ADAMTSL1: variants seen among roughly 807,000 people sequenced by gnomAD.
ADAMTSL1 encodes the protein ADAMTS like 1.
ADAMTSL1 carries 126 observed loss-of-function variants against 201.8 expected under a neutral mutation model. The observed-to-expected ratio is 0.62, with a 90% CI of 0.54 to 0.72. ADAMTSL1 has a LOEUF of 0.72. Ranked by LOEUF, ADAMTSL1 falls within the 30% of genes least tolerant of loss-of-function variation. ADAMTSL1 has a pLI of 0.00. For synonymous variants in ADAMTSL1, 1,121 were observed against 903.4 expected (o/e 1.24, Z -4.32); for missense variants, 2,679 against 2,277.8 (o/e 1.18, Z -3.59).
chr9:18,703,142 CA>C (rs200804012), intron 13 of ADAMTSL1, among the ~76,000 whole-genome samples: 5 of 150,966 alleles, frequency 3.3e-5, no homozygotes, highest in Admixed American at 6.6e-5. Context: ...GATTTAAAAA[CA>C]AAAAAAAATT....
Position 18,367,040 on chromosome 9 carries a change from T to G in ADAMTSL1, c.208-137789T>G, listed in dbSNP as rs1836797932. The stretch of plus-strand genomic sequence containing the variant: ...CCCCTGAGCTCGCCAAGTATTTAAA[T>G]AGTAACATTTCCTCATATCAACTGC... On this transcript the variant is annotated intron_variant, in intron 2 of 29. Transcript: ENST00000680146. Among the ~76,000 whole-genome samples the G allele has an allele frequency of 3.9e-5, 6 of 152,238 alleles. No homozygotes were observed. The South Asian group carries it at 1.2e-3, about 32-fold the overall frequency.
chr9:18,626,866 TCTGTCTTTCTTCCTTCCTTC>T (rs1564099621), intron 5 of ADAMTSL1, among the ~76,000 whole-genome samples: 17 of 129,150 alleles, frequency 1.3e-4, no homozygotes, highest in Admixed American at 6.8e-4. Flanking sequence ...TTTCTTTCTT[TCTGTCTTTCTTCCTTCCTTC>T]CTTCCTTCCT....
chr9:18,833,439 C>T (rs76023239), intron 23 of ADAMTSL1, among the ~76,000 whole-genome samples: 5,370 of 152,214 alleles, frequency 0.035, 341 homozygotes, highest in African/African-American at 0.12. Context: ...TTTTGATTTG[C>T]GTTTCTCTAA....
chr9:18,531,536 A>T (rs1340099320), intron 2 of ADAMTSL1, among the ~76,000 whole-genome samples: 2 of 152,190 alleles, frequency 1.3e-5, no homozygotes, highest in Non-Finnish European at 2.9e-5. Flanking sequence ...GCATAGTAAT[A>T]GTCAGTCTGA....
At chr9:17,917,780 C>T (rs1826155172) in intron 1 of ADAMTSL1, among the ~76,000 whole-genome samples, 1 of 151,874 alleles carries the variant, frequency 6.6e-6, no homozygotes. Context: ...TAAGAATTCA[C>T]CAGTGAAGCC....
intron 2 of ADAMTSL1, among the ~76,000 whole-genome samples, chr9:18,203,677 A>G (rs1829536821): frequency 6.6e-6 from 1 of 152,142 alleles, no homozygotes; most frequent in Non-Finnish European, 1.5e-5. Context: ...AAGACAGAAA[A>G]TGTGAAATAA....
chr9:17,977,530 A>T lies in ADAMTSL1; in HGVS notation c.87+70608A>T, dbSNP rs894234701. 5.9e-5 allele frequency among the ~76,000 whole-genome samples: 9 copies of T among 151,824 alleles called. No individual in the cohort carries two copies. The East Asian group carries it at 1.4e-3, about 23-fold the overall frequency. ...CCATTATTTAGTCTTGGTTGGTTCT[A>T]TGTTTCTTGAAATTTATCCACTTTT... On this transcript the variant is annotated intron_variant, in intron 1 of 29. Coordinates refer to the ADAMTSL1 transcript ENST00000680146.
intron 16 of ADAMTSL1, among the ~76,000 whole-genome samples, chr9:18,754,751 A>G (rs1013762377): frequency 6.6e-6 from 1 of 152,190 alleles, no homozygotes; most frequent in African/African-American, 2.4e-5. Flanking sequence ...TAAGCAAAAC[A>G]CTAAGTATGA....
intron 1 of ADAMTSL1, among the ~76,000 whole-genome samples, chr9:18,070,364 T>A (rs1379566682): frequency 6.6e-6 from 1 of 152,138 alleles, no homozygotes; most frequent in Non-Finnish European, 1.5e-5. Context: ...CAGGCAAATG[T>A]GGCTGGCTGG....
chr9:18,901,982 TAAA>T (rs1361840606), intron 26 of ADAMTSL1, among the ~76,000 whole-genome samples: 1 of 152,016 alleles, frequency 6.6e-6, no homozygotes, highest in Admixed American at 6.6e-5. Flanking sequence ...TCCATGTAAA[TAAA>T]AACCAAAAGC....
At chr9:18,268,832 G>A (rs2132566348) in intron 2 of ADAMTSL1, among the ~76,000 whole-genome samples, 1 of 152,180 alleles carries the variant, frequency 6.6e-6, no homozygotes, top group South Asian at 2.1e-4. Flanking sequence ...TTGGGTCATA[G>A]TTCATTAGAT....
chr9:18,113,354 G>T (rs1564007382), intron 1 of ADAMTSL1, among the ~76,000 whole-genome samples: 1 of 152,076 alleles, frequency 6.6e-6, no homozygotes, highest in Non-Finnish European at 1.5e-5. Context: ...AGGTGGGGGA[G>T]GTTAGATGGG....
chr9:18,042,555 A>G (rs1339214803), intron 1 of ADAMTSL1, among the ~76,000 whole-genome samples: 5 of 152,112 alleles, frequency 3.3e-5, no homozygotes, highest in African/African-American at 1.2e-4. Flanking sequence ...CTCGATAACA[A>G]AGCTCACTTC....
At chr9:18,828,030 A>G (rs1824693263) in intron 22 of ADAMTSL1, among the ~76,000 whole-genome samples, 1 of 152,212 alleles carries the variant, frequency 6.6e-6, no homozygotes. Flanking sequence ...ATTTCACCCC[A>G]AGTTCCGTGA....
intron 1 of ADAMTSL1, among the ~76,000 whole-genome samples, chr9:17,953,502 C>G (rs1827808670): frequency 6.6e-6 from 1 of 152,164 alleles, no homozygotes; most frequent in Non-Finnish European, 1.5e-5. Context: ...TTCACAAAGA[C>G]TTACACATGA....
At position 18,910,249 on chromosome 9, in the gene ADAMTSL1, A is replaced by T. The variant is rs1244340244; in HGVS notation, c.*1701A>T. 1 of 152,194 alleles carries T rather than the reference A, an allele frequency of 6.6e-6. No individual in the cohort carries two copies. The highest frequency in any genetic ancestry group is 1.5e-5 in the Non-Finnish European group (1 of 68,040). 9.4% of individuals were successfully genotyped at this position (152,194 alleles called of 1,614,324 possible). A position where few individuals can be genotyped will look rare whatever the true frequency, so the allele number is the denominator to read the frequency against. On this transcript the variant is annotated 3_prime_UTR_variant, in exon 29 of 29. Coordinates refer to ENST00000380548, the MANE Select transcript of ADAMTSL1 (RefSeq NM_001040272.6). ...ACAGGCTCTAAGAAATCATGTTACT[A>T]AAAAATCAGTGTAAAGTCTGTTTAA...
intron 21 of ADAMTSL1, among the ~76,000 whole-genome samples, chr9:18,818,009 A>G (rs1403453348): frequency 6.6e-6 from 1 of 152,228 alleles, no homozygotes; most frequent in Admixed American, 6.5e-5. Flanking sequence ...GGAGTAGTAG[A>G]CAAGAGGGGG....
rs1778185 is a variant in ADAMTSL1 at position 17,961,775 on chromosome 9, T to G, written c.87+54853T>G. 1.7e-3 allele frequency among the ~76,000 whole-genome samples: 254 copies of G among 152,124 alleles called. 1 individual carries two copies. Among genetic ancestry groups the G allele is most frequent in the African/African-American group, 5.3e-3 (221 of 41,492 alleles). On this transcript the variant is annotated intron_variant, in intron 1 of 29. Coordinates refer to the ADAMTSL1 transcript ENST00000680146. ...CTCTATTTGCCTGTGGCCCTTTAAT[T>G]TGAAGGCCTTTCCCATTTCTGCCCC...
intron 13 of ADAMTSL1, among the ~76,000 whole-genome samples, chr9:18,695,687 G>C (rs1363313272): frequency 6.6e-6 from 1 of 152,168 alleles, no homozygotes; most frequent in African/African-American, 2.4e-5. Context: ...CAAGTCTTTA[G>C]GAAATTCCAA....
Sources: allele counts gnomAD v4.1 joint callset (sites outside exome capture counted in the v4.1 genomes callset), GRCh38; gene constraint gnomAD v4.1.1; transcripts MANE v1.5; gene names NCBI Gene and HGNC (gene_info 2026-07-23, HGNC 2026-07-21).